Variants in GPR137B observed in about 807,000 individuals in gnomAD.
GPR137B encodes the protein G protein-coupled receptor 137B, also known as integral membrane protein GPR137B.
GPR137B carries 42 observed loss-of-function variants against 42.5 expected under a neutral mutation model. The observed-to-expected ratio is 0.99, with a 90% CI of 0.77 to 1.28. The LOEUF is 1.28. Ranked by LOEUF, GPR137B falls within the 50% of genes most tolerant of loss-of-function variation. The pLI is 0.00. For missense variants in GPR137B, 487 were observed against 493.9 expected (o/e 0.99, Z 0.13); for synonymous variants, 218 against 209.7 (o/e 1.04, Z -0.34).
intron 5 of GPR137B, among the ~76,000 whole-genome samples, chr1:236,184,636 A>G (rs969295218): frequency 4.6e-5 from 7 of 152,216 alleles, no homozygotes; most frequent in African/African-American, 1.2e-4. Flanking sequence ...ATGTCCTCCA[A>G]TAATTCACAG....
At chr1:236,184,928 G>T (rs1371615067) in intron 5 of GPR137B, among the ~76,000 whole-genome samples, 2 of 152,054 alleles carry the variant, frequency 1.3e-5, no homozygotes. Flanking sequence ...CACCATGCCT[G>T]GGTAATTTTT....
chr1:236,169,207 G>A (rs969830941), intron 2 of GPR137B, among the ~76,000 whole-genome samples: 12 of 137,346 alleles, frequency 8.7e-5, no homozygotes, highest in African/African-American at 3.6e-4. Context: ...TGCAGGTGCA[G>A]GTGCAGGTAC....
At chr1:236,207,860 G>T (rs1663706968) in intron 6 of GPR137B, among the ~76,000 whole-genome samples, 190 bp from the exon 7 acceptor site, 1 of 152,156 alleles carries the variant, frequency 6.6e-6, no homozygotes, top group Non-Finnish European at 1.5e-5. Flanking sequence ...GTTCAGTAGA[G>T]TTGTCGGTGG....
At chr1:236,179,235 T>TTTAG (rs1662797866) in intron 3 of GPR137B, among the ~76,000 whole-genome samples, 1 of 152,118 alleles carries the variant, frequency 6.6e-6, no homozygotes, top group Non-Finnish European at 1.5e-5. Flanking sequence ...ATATCTTAGG[T>TTTAG]TTAGTTAATG....
chr1:236,186,223 A>AAT (rs61307821), intron 5 of GPR137B, among the ~76,000 whole-genome samples: 1 of 54,992 alleles, frequency 1.8e-5, no homozygotes, highest in East Asian at 7.0e-4. Flanking sequence ...TATTATATAT[A>AAT]ATATAATATA....
chr1:236,178,829 A>G (rs1349429588), intron 3 of GPR137B, among the ~76,000 whole-genome samples, 193 bp downstream of exon 3: 1 of 44,784 alleles, frequency 2.2e-5, no homozygotes, highest in South Asian at 7.8e-4. Flanking sequence ...ACGGAGTCTC[A>G]CTCTGTCTCC....
In GPR137B at chr1:236,164,886, AAGAGAGAGAGAG is replaced by A. The variant is rs10581092; in HGVS notation, c.415-3796_415-3785del. ...GCTTGAATAGTGCCCAGATGAATTC[AAGAGAGAGAGAG>A]AGAGAGAGAGAGAGAGAGAGAGATG... On this transcript the variant is annotated intron_variant, in intron 1 of 6. Coordinates refer to ENST00000366592, the MANE Select transcript of GPR137B (RefSeq NM_003272.4). 1.2e-3 allele frequency among the ~76,000 whole-genome samples: 179 copies of A among 143,970 alleles called. 5 individuals are homozygous for A. In the East Asian group the frequency reaches 0.023, roughly 19 times the overall value. 94.4% of individuals were successfully genotyped at this position (143,970 alleles called of 152,430 possible). A position where few individuals can be genotyped will look rare whatever the true frequency, so the allele number is the denominator to read the frequency against.
At chr1:236,143,996 C>G (rs1264968032) in intron 1 of GPR137B, among the ~76,000 whole-genome samples, 1 of 151,980 alleles carries the variant, frequency 6.6e-6, no homozygotes, top group Non-Finnish European at 1.5e-5. Context: ...AAGGGGAAGG[C>G]GTCAACGGTG....
At chr1:236,205,033 C>A in intron 5 of GPR137B, 93 bp from the exon 6 acceptor site, 1 of 979,082 alleles carries the variant, frequency 1.0e-6, no homozygotes, top group Non-Finnish European at 1.6e-6. Context: ...ATGAATAGAA[C>A]ATCTTTAGTC....
chr1:236,170,132 G>C (rs940541281), intron 2 of GPR137B, among the ~76,000 whole-genome samples: 2 of 151,810 alleles, frequency 1.3e-5, no homozygotes, highest in Admixed American at 6.6e-5. Context: ...GGGGTGCAGT[G>C]TGAGTCCAGG....
intron 6 of GPR137B, 114 bp from the exon 7 acceptor site, chr1:236,207,936 C>A: frequency 2.8e-6 from 2 of 717,416 alleles, no homozygotes; most frequent in Admixed American, 2.6e-5. Context: ...TTTAAAAGAA[C>A]TTTAGAGTTA....
Position 236,150,261 on chromosome 1 carries a change from TTGTGTGTGTCTGTGCC to T in GPR137B, c.414+7237_414+7252del, listed in dbSNP as rs1460329130. 6.9e-6 allele frequency among the ~76,000 whole-genome samples: 1 copy of T among 143,968 alleles called. No homozygotes were observed. Among genetic ancestry groups the T allele is most frequent in the South Asian group, 2.3e-4 (1 of 4,392 alleles). 94.4% of individuals were successfully genotyped at this position (143,968 alleles called of 152,430 possible). On this transcript the variant is annotated intron_variant, in intron 1 of 6. Transcript: ENST00000366592. The surrounding 1 kb of genome is among the most constrained non-coding windows in gnomAD (Gnocchi z 6.2). ...TCTGTGCCCGTGTGTGTGCCTGTGT[TTGTGTGTGTCTGTGCC>T]TGTGTGTGTCTTTGCCTGTGTTTGT...
At chr1:236,201,897 C>G (rs1003008975) in intron 5 of GPR137B, among the ~76,000 whole-genome samples, 1 of 152,000 alleles carries the variant, frequency 6.6e-6, no homozygotes, top group African/African-American at 2.4e-5. Flanking sequence ...CTGGAAAAAT[C>G]TGGAACTCAA....
intron 5 of GPR137B, among the ~76,000 whole-genome samples, chr1:236,192,389 A>C (rs995114962): frequency 2.6e-5 from 4 of 151,516 alleles, no homozygotes; most frequent in East Asian, 3.9e-4. Context: ...AAAAAAAAAA[A>C]CAAAAAACCT....
At chr1:236,193,340 G>A (rs1663248422) in intron 5 of GPR137B, among the ~76,000 whole-genome samples, 1 of 152,146 alleles carries the variant, frequency 6.6e-6, no homozygotes, top group African/African-American at 2.4e-5. Flanking sequence ...AAACATTTGT[G>A]TATAAGTTTC....
At chr1:236,192,671 C>A (rs1193974374) in intron 5 of GPR137B, among the ~76,000 whole-genome samples, 1 of 152,060 alleles carries the variant, frequency 6.6e-6, no homozygotes, top group Non-Finnish European at 1.5e-5. Flanking sequence ...GAGCTGCACC[C>A]ACCGTCCAAG....
chr1:236,197,663 T>A (rs926986073), intron 5 of GPR137B, among the ~76,000 whole-genome samples: 1 of 152,168 alleles, frequency 6.6e-6, no homozygotes, highest in Non-Finnish European at 1.5e-5. Context: ...CACTTTATGT[T>A]TTTATTTGTG....
intron 2 of GPR137B, among the ~76,000 whole-genome samples, chr1:236,173,205 C>T (rs943347527): frequency 6.6e-6 from 1 of 150,390 alleles, no homozygotes. Flanking sequence ...GTGAGAGACT[C>T]GCTTGAGCCT....
chr1:236,150,611 C>T lies in GPR137B; in HGVS notation c.414+7575C>T, dbSNP rs1159214158. On this transcript the variant is annotated intron_variant, in intron 1 of 6. Transcript: ENST00000366592. This position sits in a 1 kb window ranked among gnomAD's most constrained non-coding sequence, Gnocchi z 6.2. ...CACATTCAGCATCCAACCCCAGTGA[C>T]CATGCAGGAAGCCTGGACTTCCCCA... Among the ~76,000 whole-genome samples, 1 of 152,214 alleles carries T rather than the reference C, an allele frequency of 6.6e-6. No individual in the cohort carries two copies. The highest frequency in any genetic ancestry group is 1.5e-5 in the Non-Finnish European group (1 of 68,036).
Sources: allele counts gnomAD v4.1 joint callset (sites outside exome capture counted in the v4.1 genomes callset), GRCh38; gene constraint gnomAD v4.1.1; non-coding constraint Gnocchi (gnomAD v3.1); transcripts MANE v1.5; gene names NCBI Gene and HGNC (gene_info 2026-07-23, HGNC 2026-07-21).